The following SPATS2L variants were observed in gnomAD, a reference collection of about 807,000 sequenced individuals.
SPATS2L encodes the protein spermatogenesis associated serine rich 2 like, also known as SPATS2-like protein.
SPATS2L carries 30 observed loss-of-function variants against 59.6 expected under a neutral mutation model. The ratio of observed to expected loss-of-function variants is 0.50; its 90% CI spans 0.38 to 0.68. SPATS2L has a LOEUF of 0.68. Among genes scored for constraint, SPATS2L ranks in the 30% least tolerant of loss-of-function variants. The pLI is 0.00. For synonymous variants in SPATS2L, 252 were observed against 263.5 expected (o/e 0.96, Z 0.42); for missense variants, 615 against 700.0 (o/e 0.88, Z 1.37).
At chr2:200,409,263 A>C (rs1381346928) in intron 3 of SPATS2L, among the ~76,000 whole-genome samples, 2 of 152,240 alleles carry the variant, frequency 1.3e-5, no homozygotes, top group African/African-American at 2.4e-5. Context: ...CGTCCTCAGA[A>C]GCTTGGTTTC....
At chr2:200,434,157 A>G (rs2084120590) in intron 6 of SPATS2L, among the ~76,000 whole-genome samples, 1 of 152,042 alleles carries the variant, frequency 6.6e-6, no homozygotes, top group South Asian at 2.1e-4. Context: ...AAAAAAATCA[A>G]CATAATATTA....
At chr2:200,428,189 T>A (rs1314070395) in intron 6 of SPATS2L, among the ~76,000 whole-genome samples, 1 of 152,206 alleles carries the variant, frequency 6.6e-6, no homozygotes, top group African/African-American at 2.4e-5. Context: ...ACTCATCACC[T>A]CATTGTTACG....
intron 3 of SPATS2L, among the ~76,000 whole-genome samples, chr2:200,395,319 A>G (rs1477576822): frequency 6.6e-6 from 1 of 152,258 alleles, no homozygotes; most frequent in East Asian, 1.9e-4. Flanking sequence ...TTGGTGATGG[A>G]AAGTAAAGAA....
chr2:200,364,982 G>T (rs752983371), intron 2 of SPATS2L, among the ~76,000 whole-genome samples: 4 of 152,216 alleles, frequency 2.6e-5, no homozygotes, highest in African/African-American at 7.2e-5. Context: ...TCTCTCTAAA[G>T]AGGAGAATCT....
intron 2 of SPATS2L, among the ~76,000 whole-genome samples, chr2:200,386,637 A>G (rs967506165): frequency 2.0e-5 from 3 of 152,196 alleles, no homozygotes; most frequent in African/African-American, 7.2e-5. Context: ...CCAAATGCAA[A>G]AACAAAACAA....
At chr2:200,326,901 A>ATTTTTTTTTTTTTTTTTTTTTTTTTTTTT (rs755351538) in intron 1 of SPATS2L, among the ~76,000 whole-genome samples, 1 of 99,074 alleles carries the variant, frequency 1.0e-5, no homozygotes, top group Non-Finnish European at 1.9e-5. Flanking sequence ...TGCCCGGCTA[A>ATTTTTTTTTTTTTTTTTTTTTTTTTTTTT]TTTTTTTTTT....
chr2:200,389,233 A>T lies in SPATS2L; in HGVS notation c.-12A>T. 6.4e-7 allele frequency: 1 copy of T among 1,572,722 alleles called. No individual in the cohort carries two copies. The highest frequency in any genetic ancestry group is 8.7e-7 in the Non-Finnish European group (1 of 1,155,154). On this transcript the variant is annotated 5_prime_UTR_variant, in exon 3 of 13. Transcript: ENST00000409140. ...TTTCCTTCTTTATAGGGCCTATTCCACTAGAAGCAAGATGGCTGAACTCAA... is the reference window on the plus strand; with the variant it reads ...TTTCCTTCTTTATAGGGCCTATTCCTCTAGAAGCAAGATGGCTGAACTCAA...
intron 10 of SPATS2L, 152 bp from the exon 11 acceptor site, chr2:200,469,762 T>A: frequency 1.6e-6 from 1 of 611,540 alleles, no homozygotes; most frequent in Non-Finnish European, 2.9e-6. Flanking sequence ...GCACTAAGAC[T>A]GAGCGTGGAG....
chr2:200,345,319 T>G (rs1289852604), intron 2 of SPATS2L, among the ~76,000 whole-genome samples: 2 of 152,258 alleles, frequency 1.3e-5, no homozygotes, highest in Admixed American at 6.5e-5. Flanking sequence ...ACAAAGGTTA[T>G]TTTAATTGAG....
intron 1 of SPATS2L, among the ~76,000 whole-genome samples, chr2:200,319,095 C>G (rs2079474009): frequency 6.6e-6 from 1 of 152,204 alleles, no homozygotes; most frequent in Non-Finnish European, 1.5e-5. Flanking sequence ...TTGAATGCCA[C>G]AGAATAAATA....
chr2:200,471,117 G>T (rs2106234067), intron 11 of SPATS2L, among the ~76,000 whole-genome samples: 1 of 152,162 alleles, frequency 6.6e-6, no homozygotes, highest in South Asian at 2.1e-4. Context: ...AGTCAGTGGA[G>T]ATCGCACCAC....
At chr2:200,341,948 G>A (rs1045433381) in intron 2 of SPATS2L, among the ~76,000 whole-genome samples, 5 of 152,012 alleles carry the variant, frequency 3.3e-5, no homozygotes, top group South Asian at 2.1e-4. Context: ...TCAGCCTCCC[G>A]AAGTGCTGGG....
intron 2 of SPATS2L, chr2:200,383,948 CTT>C: frequency 1.0e-6 from 1 of 1,001,960 alleles, no homozygotes; most frequent in Non-Finnish European, 1.2e-6. Flanking sequence ...GAAAGTGAAA[CTT>C]TATTACTGCC....
chr2:200,418,500 G>A (rs905572846), intron 5 of SPATS2L, among the ~76,000 whole-genome samples: 4 of 152,022 alleles, frequency 2.6e-5, no homozygotes, highest in African/African-American at 9.7e-5. Flanking sequence ...CTTATGCCCA[G>A]GGGGTTGAAG....
intron 12 of SPATS2L, among the ~76,000 whole-genome samples, chr2:200,474,013 A>G (rs1321059073): frequency 6.6e-6 from 1 of 152,152 alleles, no homozygotes; most frequent in Non-Finnish European, 1.5e-5. Flanking sequence ...AAAAAATAAA[A>G]ATAAAAATAA....
intron 6 of SPATS2L, among the ~76,000 whole-genome samples, chr2:200,424,946 C>T (rs749163569): frequency 1.3e-5 from 2 of 152,204 alleles, no homozygotes; most frequent in Non-Finnish European, 2.9e-5. Context: ...CTGACCTTCA[C>T]GAGCTGGACT....
intron 2 of SPATS2L, among the ~76,000 whole-genome samples, chr2:200,375,181 C>T (rs2081557652): frequency 6.6e-6 from 1 of 152,130 alleles, no homozygotes; most frequent in African/African-American, 2.4e-5. Context: ...TAGGTGCCAA[C>T]AGCAATGAAA....
At chr2:200,333,478 T>C (rs544443715) in intron 2 of SPATS2L, among the ~76,000 whole-genome samples, 2 of 151,842 alleles carry the variant, frequency 1.3e-5, no homozygotes, top group African/African-American at 4.8e-5. Flanking sequence ...AAGGGTTTTT[T>C]AAAATTTTTT....
Position 200,440,569 on chromosome 2 carries a change from A to G in SPATS2L, c.653-80A>G, listed in dbSNP as rs2084628029. 2.2e-6 allele frequency: 3 copies of G among 1,371,610 alleles called. No individual in the cohort carries two copies. The South Asian group carries it at 4.0e-5, about 18-fold the overall frequency. 85.0% of individuals were successfully genotyped at this position (1,371,610 alleles called of 1,614,324 possible). A position where few individuals can be genotyped will look rare whatever the true frequency, so the allele number is the denominator to read the frequency against. ...GATGAGTCCCTTTTTCTGGTGGGCT[A>G]ATTGCTTTGTTTTGTTGTTTAGCTT... On this transcript the variant is annotated intron_variant, in intron 7 of 12. Coordinates refer to ENST00000409140, the MANE Select transcript of SPATS2L (RefSeq NM_001100423.2).
Sources: allele counts gnomAD v4.1 joint callset (sites outside exome capture counted in the v4.1 genomes callset), GRCh38; gene constraint gnomAD v4.1.1; transcripts MANE v1.5; gene names NCBI Gene and HGNC (gene_info 2026-07-23, HGNC 2026-07-21).